Variants in AGBL1 observed in about 807,000 individuals in gnomAD.
AGBL1 encodes AGBL carboxypeptidase 1, also known as cytosolic carboxypeptidase 4.
AGBL1 carries 130 observed loss-of-function variants against 118.9 expected under a neutral mutation model. The observed-to-expected ratio is 1.09, with a 90% CI of 0.95 to 1.26. The LOEUF (loss-of-function observed/expected upper bound fraction) is 1.26, where lower values mean the gene tolerates loss of function less well. Ranked by LOEUF, AGBL1 falls within the 50% of genes most tolerant of loss-of-function variation. The pLI is 0.00. For synonymous variants in AGBL1, 555 were observed against 478.9 expected, an observed-to-expected ratio of 1.16 and a Z score of -2.08; for missense variants, 1,584 against 1,298.1, an observed-to-expected ratio of 1.22 and a Z score of -3.38.
chr15:86,398,340 G>T (rs1596066232), intron 18 of AGBL1, among the ~76,000 whole-genome samples: 1 of 152,094 alleles, frequency 6.6e-6, no homozygotes, highest in East Asian at 1.9e-4. Flanking sequence ...CCACAAAGAG[G>T]TCTTTCAAAC....
intron 18 of AGBL1, among the ~76,000 whole-genome samples, chr15:86,420,487 A>T (rs1384676298): frequency 6.6e-6 from 1 of 152,242 alleles, no homozygotes; most frequent in Non-Finnish European, 1.5e-5. Context: ...AGACCAAGGT[A>T]GATAAATGCA....
At chr15:86,640,625 T>G (rs2085174941) in intron 21 of AGBL1, among the ~76,000 whole-genome samples, 1 of 152,162 alleles carries the variant, frequency 6.6e-6, no homozygotes, top group Non-Finnish European at 1.5e-5. Flanking sequence ...GTTTAACCAT[T>G]TCTCTACTTT....
At chr15:86,275,124 C>A (rs189668290) in intron 15 of AGBL1, among the ~76,000 whole-genome samples, 300 of 152,318 alleles carry the variant, frequency 2.0e-3, no homozygotes, top group Middle Eastern at 6.8e-3. Context: ...CACAGCCACA[C>A]ACCTTTTTGA....
At chr15:86,322,028 C>G (rs765326285) in intron 17 of AGBL1, among the ~76,000 whole-genome samples, 1 of 150,840 alleles carries the variant, frequency 6.6e-6, no homozygotes, top group South Asian at 2.1e-4. Flanking sequence ...CTGCCTGTTA[C>G]CCATCCTTTG....
chr15:86,925,686 T>C (rs957677913), intron 23 of AGBL1, among the ~76,000 whole-genome samples: 2 of 150,800 alleles, frequency 1.3e-5, no homozygotes, highest in East Asian at 3.9e-4. Context: ...TTTTCTTCTT[T>C]TCTTTTTTTC....
intron 18 of AGBL1, among the ~76,000 whole-genome samples, chr15:86,485,545 G>A (rs1372772784): frequency 6.6e-6 from 1 of 151,936 alleles, no homozygotes; most frequent in Non-Finnish European, 1.5e-5. Context: ...TAAAAAAATG[G>A]GTATGGCTAT....
intron 22 of AGBL1, among the ~76,000 whole-genome samples, chr15:86,708,904 G>T (rs978969736): frequency 6.6e-6 from 1 of 152,016 alleles, no homozygotes; most frequent in Non-Finnish European, 1.5e-5. Context: ...CCATTTTGTT[G>T]CTTCACTTCC....
chr15:86,969,625 A>AT (rs1428160671), intron 23 of AGBL1, among the ~76,000 whole-genome samples: 1 of 152,024 alleles, frequency 6.6e-6, no homozygotes, highest in Admixed American at 6.6e-5. Context: ...GCATATGTGC[A>AT]TTTTAGTTTG....
intron 18 of AGBL1, among the ~76,000 whole-genome samples, chr15:86,447,121 C>A (rs1488824419): frequency 6.6e-6 from 1 of 152,148 alleles, no homozygotes; most frequent in Non-Finnish European, 1.5e-5. Context: ...TTGGTTTCAG[C>A]CTAAAAATTA....
intron 5 of AGBL1, among the ~76,000 whole-genome samples, chr15:86,177,604 A>AC (rs1280756919): frequency 6.6e-6 from 1 of 152,350 alleles, no homozygotes; most frequent in Non-Finnish European, 1.5e-5. Context: ...ATGTTCTATG[A>AC]CCACAAGGAA....
chr15:86,207,871 G>A (rs993858764), intron 5 of AGBL1, among the ~76,000 whole-genome samples: 6 of 152,154 alleles, frequency 3.9e-5, no homozygotes, highest in Admixed American at 3.9e-4. Flanking sequence ...TGGTGAGAGA[G>A]GACATCCCTG....
intron 21 of AGBL1, among the ~76,000 whole-genome samples, chr15:86,644,168 T>C (rs915622831): frequency 3.9e-5 from 6 of 152,224 alleles, no homozygotes; most frequent in Non-Finnish European, 7.3e-5. Flanking sequence ...TTTATTATAT[T>C]GTGAAAGTAG....
At chr15:86,861,883 C>T (rs954985397) in intron 22 of AGBL1, among the ~76,000 whole-genome samples, 10 of 152,126 alleles carry the variant, frequency 6.6e-5, no homozygotes, top group African/African-American at 1.9e-4. Flanking sequence ...AAAAAATAAA[C>T]GCAATTCTGA....
chr15:86,285,776 T>C (rs1359114492), intron 16 of AGBL1, among the ~76,000 whole-genome samples: 1 of 152,184 alleles, frequency 6.6e-6, no homozygotes, highest in African/African-American at 2.4e-5. Context: ...AATTAAAAGA[T>C]AACCCATGAG....
chr15:86,895,367 G>T (rs72751957), intron 22 of AGBL1, among the ~76,000 whole-genome samples: 46,833 of 150,680 alleles, frequency 0.31, 7,651 homozygotes, highest in African/African-American at 0.4. Context: ...TACAAGAGTA[G>T]ACTTTCCAGT....
At chr15:86,760,543 T>A (rs534976642) in intron 22 of AGBL1, among the ~76,000 whole-genome samples, 1 of 152,152 alleles carries the variant, frequency 6.6e-6, no homozygotes, top group South Asian at 2.1e-4. Flanking sequence ...TGCTGCTTGC[T>A]TCCTGCTCCT....
intron 18 of AGBL1, among the ~76,000 whole-genome samples, chr15:86,480,049 G>A (rs1341368670): frequency 6.6e-6 from 1 of 151,758 alleles, no homozygotes; most frequent in Admixed American, 6.6e-5. Context: ...GAACACTTGA[G>A]CACAGGAAGG....
intron 15 of AGBL1, among the ~76,000 whole-genome samples, chr15:86,277,294 G>A (rs1567173266): frequency 7.4e-6 from 1 of 134,704 alleles, no homozygotes; most frequent in African/African-American, 3.1e-5. Context: ...GAGAGAGTGT[G>A]TGTGTGTGCA....
chr15:86,432,842 G>A (rs2081951709), intron 18 of AGBL1, among the ~76,000 whole-genome samples: 1 of 152,178 alleles, frequency 6.6e-6, no homozygotes, highest in African/African-American at 2.4e-5. Flanking sequence ...ACAATGAGGA[G>A]CAGCCCCTGG....
Sources: allele counts gnomAD v4.1 joint callset (sites outside exome capture counted in the v4.1 genomes callset), GRCh38; gene constraint gnomAD v4.1.1; transcripts MANE v1.5; gene names NCBI Gene and HGNC (gene_info 2026-07-23, HGNC 2026-07-21).